Variants in TMPRSS15 observed in about 807,000 individuals in gnomAD.
The protein encoded by TMPRSS15 is transmembrane serine protease 15, also known as enteropeptidase.
A neutral mutation model predicts 125.3 loss-of-function variants in TMPRSS15; 128 were observed. The observed-to-expected ratio is 1.02, with a 90% confidence interval of 0.89 to 1.18. The LOEUF (loss-of-function observed/expected upper bound fraction) is 1.18. Ranked by LOEUF, TMPRSS15 falls within the 50% of genes most tolerant of loss-of-function variation. The probability of loss-of-function intolerance (pLI) is 0.00; values close to 1 mark genes in which losing one functional copy is unlikely to be tolerated. For synonymous variants in TMPRSS15, 446 were observed against 423.2 expected (o/e 1.05, Z -0.66); for missense variants, 1,283 against 1,212.7 (o/e 1.06, Z -0.86).
chr21:18,343,471 G>A (rs1336172761), intron 12 of TMPRSS15, 35 bp downstream of exon 12: 1 of 1,528,942 alleles, frequency 6.5e-7, no homozygotes, highest in South Asian at 1.1e-5. Flanking sequence ...ACCACAAAAA[G>A]GATACAAATA....
At chr21:18,315,345 A>G in intron 16 of TMPRSS15, 89 bp from the exon 17 acceptor site, 3 of 1,114,276 alleles carry the variant, frequency 2.7e-6, no homozygotes, top group East Asian at 2.5e-5. Context: ...CCCTTTAAAC[A>G]TGAGTCCTTT....
intron 10 of TMPRSS15, among the ~76,000 whole-genome samples, chr21:18,345,603 T>G (rs1273765905): frequency 1.4e-5 from 2 of 146,494 alleles, no homozygotes; most frequent in Non-Finnish European, 1.5e-5. Flanking sequence ...TAGCTGGGCG[T>G]GGTGGCGGGC....
At chr21:18,384,643 C>A (rs941512978) in intron 3 of TMPRSS15, among the ~76,000 whole-genome samples, 1 of 152,114 alleles carries the variant, frequency 6.6e-6, no homozygotes, top group Non-Finnish European at 1.5e-5. Flanking sequence ...TAGGGTATGA[C>A]CACTTGGGAG....
At chr21:18,295,423 T>A (rs921144762) in intron 19 of TMPRSS15, among the ~76,000 whole-genome samples, 1 of 152,250 alleles carries the variant, frequency 6.6e-6, no homozygotes, top group African/African-American at 2.4e-5. Flanking sequence ...CCACTGCAGA[T>A]ATCGGCTACA....
At chr21:18,372,815 AG>A (rs2075805724) in intron 5 of TMPRSS15, among the ~76,000 whole-genome samples, 1 of 152,182 alleles carries the variant, frequency 6.6e-6, no homozygotes, top group African/African-American at 2.4e-5. Context: ...CATCTTCTGG[AG>A]GGTATCCGAA....
At chr21:18,465,360 A>C (rs137982101) in intron 1 of TMPRSS15, among the ~76,000 whole-genome samples, 3 of 152,334 alleles carry the variant, frequency 2.0e-5, no homozygotes, top group South Asian at 4.1e-4. Context: ...CAAGACAGGG[A>C]TGCCCTCTCT....
chr21:18,344,733 G>A (rs867732942), intron 10 of TMPRSS15, among the ~76,000 whole-genome samples: 22 of 152,196 alleles, frequency 1.4e-4, no homozygotes, highest in Non-Finnish European at 5.9e-5. Flanking sequence ...TGAAGTTTGT[G>A]AAGGGTTGTT....
At chr21:18,449,877 G>GCA (rs3082204) in intron 1 of TMPRSS15, among the ~76,000 whole-genome samples, 6,766 of 147,556 alleles carry the variant, frequency 0.046, 391 homozygotes, top group African/African-American at 0.13. Context: ...ACACACACAC[G>GCA]CACACACACA....
upstream of TMPRSS15, among the ~76,000 whole-genome samples, chr21:18,405,493 G>A (rs1320927871): frequency 6.6e-6 from 1 of 152,034 alleles, no homozygotes; most frequent in African/African-American, 2.4e-5. Context: ...TGCCCTATCA[G>A]GTAACAAAAC....
intron 1 of TMPRSS15, among the ~76,000 whole-genome samples, chr21:18,430,586 A>G (rs563655949): frequency 1.3e-5 from 2 of 152,320 alleles, no homozygotes; most frequent in African/African-American, 2.4e-5. Flanking sequence ...CACTTATGCC[A>G]TACATATCCA....
chr21:18,321,190 A>G (rs555812006), intron 16 of TMPRSS15, among the ~76,000 whole-genome samples: 1 of 152,308 alleles, frequency 6.6e-6, no homozygotes, highest in East Asian at 1.9e-4. Context: ...TATTACATAT[A>G]CTTTATTACA....
At chr21:18,412,529 T>C (rs567785282) in intron 1 of TMPRSS15, among the ~76,000 whole-genome samples, 3 of 152,358 alleles carry the variant, frequency 2.0e-5, no homozygotes, top group Non-Finnish European at 4.4e-5. Flanking sequence ...TTTCTGACTA[T>C]GTCTTTTTAG....
intron 16 of TMPRSS15, among the ~76,000 whole-genome samples, chr21:18,318,409 A>AAAAT (rs773940851): frequency 6.6e-6 from 1 of 152,320 alleles, no homozygotes; most frequent in South Asian, 2.1e-4. Flanking sequence ...TACAATGGTA[A>AAAAT]AAATAAATAA....
At chr21:18,346,232 G>A (rs1481910609) in intron 10 of TMPRSS15, among the ~76,000 whole-genome samples, 2 of 152,090 alleles carry the variant, frequency 1.3e-5, no homozygotes, top group African/African-American at 4.8e-5. Context: ...ACTGTACTTA[G>A]TCTAACCACT....
At chr21:18,315,932 T>C (rs2075161949) in intron 16 of TMPRSS15, among the ~76,000 whole-genome samples, 1 of 148,544 alleles carries the variant, frequency 6.7e-6, no homozygotes, top group South Asian at 2.1e-4. Flanking sequence ...AATGACGAGT[T>C]AATGGGTGCA....
At position 18,343,537 on chromosome 21, in the gene TMPRSS15, T is replaced by C; in HGVS notation, c.1397A>G (p.Gln466Arg). The C allele has an allele frequency of 1.2e-6, 2 of 1,612,806 alleles. No individual in the cohort carries two copies. The highest frequency in any genetic ancestry group is 1.7e-6 in the Non-Finnish European group (2 of 1,178,956). The change falls in exon 12 of 25, where the codon CAA becomes CGA. Residue 466 changes from glutamine to arginine, a missense_variant. Physicochemically the swap from Gln to Arg is conservative, Grantham distance 43. Transcript: ENST00000284885. ...GNYGDNWNYGQVTLNETVKFK... is the reference protein window; with the variant it reads ...GNYGDNWNYGRVTLNETVKFK... ...TTTAACTGTTTCATTTAGGGTTACT[T>C]GTCCATAATTCCAATTGTCTCCATA... is the stretch of plus-strand genomic sequence containing the variant.
At position 18,395,418 on chromosome 21, in the gene TMPRSS15, C is replaced by G. The variant is rs965041999; in HGVS notation, c.344+2461G>C. On this transcript the variant is annotated intron_variant, in intron 3 of 24. Coordinates refer to ENST00000284885, the MANE Select transcript of TMPRSS15 (RefSeq NM_002772.3). ...TTCACGACAGACTGATAATCTAAAA[C>G]TTCACAAACCCCTAGTGAGGAAAGC... 4.6e-5 allele frequency among the ~76,000 whole-genome samples: 7 copies of G among 152,152 alleles called. No individual in the cohort carries two copies. In the East Asian group the frequency reaches 5.8e-4, roughly 13 times the overall value.
chr21:18,313,492 A>C (rs538350727), intron 17 of TMPRSS15, among the ~76,000 whole-genome samples: 13 of 151,520 alleles, frequency 8.6e-5, no homozygotes, highest in Non-Finnish European at 1.8e-4. Flanking sequence ...TTTTTCAAAT[A>C]TACAGCAAAT....
chr21:18,322,432 T>G (rs563475340), intron 16 of TMPRSS15, among the ~76,000 whole-genome samples: 1 of 152,192 alleles, frequency 6.6e-6, no homozygotes, highest in African/African-American at 2.4e-5. Context: ...TCATCTATGT[T>G]TACTGCAGCA....
Sources: allele counts gnomAD v4.1 joint callset (sites outside exome capture counted in the v4.1 genomes callset), GRCh38; gene constraint gnomAD v4.1.1; transcripts MANE v1.5; gene names NCBI Gene and HGNC (gene_info 2026-07-23, HGNC 2026-07-21).